The following IMMP2L variants were observed in gnomAD, a reference collection of about 807,000 sequenced individuals.
IMMP2L encodes inner mitochondrial membrane peptidase subunit 2.
Under a neutral mutation model 19.3 loss-of-function variants are expected in IMMP2L, and 18 were observed. The observed-to-expected ratio is 0.93, with a 90% confidence interval of 0.64 to 1.38. IMMP2L has a LOEUF of 1.38. Ranked by LOEUF, IMMP2L falls within the 40% of genes most tolerant of loss-of-function variation. IMMP2L has a pLI of 0.00. For missense variants in IMMP2L, 233 were observed against 218.2 expected (o/e 1.07, Z -0.43); for synonymous variants, 76 against 73.0 (o/e 1.04, Z -0.21).
intron 3 of IMMP2L, among the ~76,000 whole-genome samples, chr7:111,392,479 C>T (rs371949269): frequency 5.1e-4 from 78 of 152,292 alleles, no homozygotes; most frequent in African/African-American, 1.8e-3. Context: ...GTTTTCCTGG[C>T]CTTTAACTCA....
intron 1 of IMMP2L, among the ~76,000 whole-genome samples, chr7:111,537,873 C>A (rs1848037320): frequency 6.6e-6 from 1 of 151,930 alleles, no homozygotes; most frequent in Non-Finnish European, 1.5e-5. Context: ...ACCAAACCCA[C>A]CTCCATACAA....
chr7:110,668,906 G>T (rs1791649206), intron 5 of IMMP2L, among the ~76,000 whole-genome samples: 1 of 151,672 alleles, frequency 6.6e-6, no homozygotes, highest in African/African-American at 2.4e-5. Context: ...AGTGAATATA[G>T]AAAGATAAAA....
intron 3 of IMMP2L, among the ~76,000 whole-genome samples, chr7:111,148,713 T>C (rs768393496): frequency 3.0e-4 from 45 of 151,954 alleles, no homozygotes; most frequent in Non-Finnish European, 7.4e-5. Context: ...TCTGGGAGTA[T>C]AATCTCACAA....
intron 3 of IMMP2L, among the ~76,000 whole-genome samples, chr7:111,346,665 T>C (rs1247831835): frequency 6.6e-6 from 1 of 152,112 alleles, no homozygotes; most frequent in African/African-American, 2.4e-5. Context: ...TGAGAGCTTA[T>C]AGCTCTGAGG....
chr7:111,421,431 G>A (rs1188589145), intron 3 of IMMP2L, among the ~76,000 whole-genome samples: 8 of 151,018 alleles, frequency 5.3e-5, no homozygotes, highest in South Asian at 2.1e-4. Context: ...CATCATGCCC[G>A]GCTAATTTTT....
chr7:110,937,664 T>C (rs574681297), intron 4 of IMMP2L, among the ~76,000 whole-genome samples: 1 of 152,190 alleles, frequency 6.6e-6, no homozygotes, highest in Non-Finnish European at 1.5e-5. Flanking sequence ...GAAAGGTCAC[T>C]TTTTGACTCA....
chr7:111,080,305 A>G (rs1795779452), intron 3 of IMMP2L, among the ~76,000 whole-genome samples: 1 of 152,174 alleles, frequency 6.6e-6, no homozygotes, highest in Non-Finnish European at 1.5e-5. Context: ...AGAATAAAAT[A>G]CAAACATAAC....
intron 3 of IMMP2L, among the ~76,000 whole-genome samples, chr7:111,342,735 G>T (rs973082907): frequency 1.3e-5 from 2 of 151,688 alleles, no homozygotes. Context: ...ATTATTCAAC[G>T]AGCATTGTCT....
chr7:110,888,465 T>C (rs573477506), intron 4 of IMMP2L, among the ~76,000 whole-genome samples: 3 of 152,282 alleles, frequency 2.0e-5, no homozygotes, highest in South Asian at 2.1e-4. Flanking sequence ...CAATTACCAA[T>C]TTTGTCTCTT....
At chr7:111,300,132 T>G (rs1377414691) in intron 3 of IMMP2L, among the ~76,000 whole-genome samples, 2 of 152,184 alleles carry the variant, frequency 1.3e-5, no homozygotes, top group Non-Finnish European at 2.9e-5. Flanking sequence ...GTCACAGACT[T>G]ACAGAGTCAA....
chr7:111,308,299 T>C (rs1584548856), intron 3 of IMMP2L, among the ~76,000 whole-genome samples: 1 of 151,814 alleles, frequency 6.6e-6, no homozygotes, highest in East Asian at 1.9e-4. Flanking sequence ...GGTAAACAAA[T>C]AAAATCTAAA....
chr7:111,384,337 A>C (rs73424053), intron 3 of IMMP2L, among the ~76,000 whole-genome samples: 3,633 of 150,018 alleles, frequency 0.024, 168 homozygotes, highest in African/African-American at 0.085. Context: ...AGGGAGGAGG[A>C]GGATGAGGAA....
intron 3 of IMMP2L, among the ~76,000 whole-genome samples, chr7:111,193,473 T>C (rs1483326557): frequency 6.6e-6 from 1 of 152,124 alleles, no homozygotes; most frequent in Non-Finnish European, 1.5e-5. Context: ...CCAGAAACAA[T>C]CCTTAAAACA....
At chr7:111,161,510 T>C (rs536945581) in intron 3 of IMMP2L, among the ~76,000 whole-genome samples, 6 of 151,850 alleles carry the variant, frequency 4.0e-5, no homozygotes, top group Non-Finnish European at 7.4e-5. Context: ...TAGAAAAAAG[T>C]ATCTGATAAA....
chr7:111,265,505 G>C (rs1817737111), intron 3 of IMMP2L, among the ~76,000 whole-genome samples: 2 of 152,146 alleles, frequency 1.3e-5, no homozygotes, highest in African/African-American at 4.8e-5. Context: ...AAGGATTGAA[G>C]GATGGGGTGA....
intron 3 of IMMP2L, among the ~76,000 whole-genome samples, chr7:111,348,288 A>T (rs931554343): frequency 3.3e-5 from 5 of 151,284 alleles, no homozygotes; most frequent in Admixed American, 6.6e-5. Context: ...AAAGTATAAT[A>T]AAAAAAAAGT....
chr7:111,351,033 C>T (rs1294010887), intron 3 of IMMP2L, among the ~76,000 whole-genome samples: 2 of 152,098 alleles, frequency 1.3e-5, no homozygotes, highest in African/African-American at 4.8e-5. Flanking sequence ...TTAAAATTTT[C>T]AACAACAGGC....
At chr7:110,678,918 T>C (rs1160919037) in intron 5 of IMMP2L, among the ~76,000 whole-genome samples, 1 of 152,208 alleles carries the variant, frequency 6.6e-6, no homozygotes, top group Non-Finnish European at 1.5e-5. Context: ...AGATTCGAAA[T>C]GAGACTCTCT....
chr7:111,177,702 C>A (rs1807231018), intron 3 of IMMP2L, among the ~76,000 whole-genome samples: 1 of 152,072 alleles, frequency 6.6e-6, no homozygotes, highest in Non-Finnish European at 1.5e-5. Context: ...AGATAACACA[C>A]AAGTTTAATT....
Sources: gnomAD v4.1 joint callset for allele counts (sites outside exome capture counted in the v4.1 genomes callset) on GRCh38, gnomAD v4.1.1 for gene constraint, MANE v1.5 for transcripts, NCBI Gene and HGNC (gene_info 2026-07-23, HGNC 2026-07-21) for gene names.